PTPRB: variants seen among roughly 807,000 people sequenced by gnomAD.
The protein encoded by PTPRB is receptor-type tyrosine-protein phosphatase beta.
In PTPRB, 97 loss-of-function variants were observed where a neutral mutation model predicts 238.1. That is an observed-to-expected ratio of 0.41 (90% CI 0.35 to 0.48). The LOEUF (loss-of-function observed/expected upper bound fraction) is 0.48, where lower values mean the gene tolerates loss of function less well. Ranked by LOEUF, PTPRB falls within the 20% of genes least tolerant of loss-of-function variation. The pLI is 0.30. For synonymous variants in PTPRB, 970 were observed against 995.4 expected, an observed-to-expected ratio of 0.97 and a Z score of 0.48; for missense variants, 2,292 against 2,681.9, an observed-to-expected ratio of 0.85 and a Z score of 3.21.
At chr12:70,579,600 G>T (rs1881151497) in intron 10 of PTPRB, among the ~76,000 whole-genome samples, 1 of 149,872 alleles carries the variant, frequency 6.7e-6, no homozygotes, top group Non-Finnish European at 1.5e-5. Flanking sequence ...GGGAGACTGA[G>T]ACAGGAGAAT....
At position 70,569,795 on chromosome 12, in the gene PTPRB, T is replaced by C. The variant is rs1879794977; in HGVS notation, c.3514A>G (p.Ile1172Val). Reference protein sequence around the residue: ...RHSQKVDSQTIPKHVFEHTFH... With the variant: ...RHSQKVDSQTVPKHVFEHTFH... ...GTGTGCTCAAAGACGTGCTTGGGAA[T>C]AGTCTGAGAGTCAACCTTTTGACTG... Residue 1172 changes from isoleucine (I) to valine (V), a missense_variant, in exon 14 of 34, where the codon ATT becomes GTT. Transcript: ENST00000334414. 6.2e-7 allele frequency: 1 copy of C among 1,613,936 alleles called. No individual in the cohort carries two copies. The highest frequency in any genetic ancestry group is 8.5e-7 in the Non-Finnish European group (1 of 1,179,876).
Position 70,518,934 on chromosome 12 carries a change from A to C in PTPRB, c.*2555T>G, listed in dbSNP as rs1871396822. 1 of 152,202 alleles carries C rather than the reference A, an allele frequency of 6.6e-6. No individual in the cohort carries two copies. Among genetic ancestry groups the C allele is most frequent in the Admixed American group, 6.5e-5 (1 of 15,268 alleles). 9.4% of individuals were successfully genotyped at this position (152,202 alleles called of 1,614,324 possible). ...GAAATGGAGTGTTTACCAAGACATAACACATGATGCAATTAAATGGAAATA... is the reference window on the plus strand; with the variant it reads ...GAAATGGAGTGTTTACCAAGACATACCACATGATGCAATTAAATGGAAATA... On this transcript the variant is annotated 3_prime_UTR_variant, in exon 34 of 34. Transcript: ENST00000334414.
intron 14 of PTPRB, 108 bp from the exon 15 acceptor site, chr12:70,566,812 G>C (rs1448693087): frequency 1.6e-6 from 2 of 1,223,824 alleles, no homozygotes; most frequent in Non-Finnish European, 2.3e-6. Context: ...TGATGCATTT[G>C]CTTTATTTGT....
rs1029536310 is a variant in PTPRB, at chr12:70,622,262, C to G, written c.708+128G>C. 1.6e-5 allele frequency: 22 copies of G among 1,341,038 alleles called. No homozygotes were observed. The African/African-American group carries it at 2.8e-4, about 17-fold the overall frequency. The allele number at this position is 1,341,038 out of a possible 1,614,324, so 83.1% of individuals were successfully genotyped here. ...AATGCTTTCCTGTACAATTAGCAGC[C>G]AGGACACAGGGTGAGAGTGCCTAAT... On this transcript the variant is annotated intron_variant, in intron 3 of 33. Transcript: ENST00000334414.
chr12:70,576,966 C>T (rs61930311), intron 10 of PTPRB, among the ~76,000 whole-genome samples: 17,410 of 152,114 alleles, frequency 0.11, 1,062 homozygotes, highest in African/African-American at 0.13. Flanking sequence ...CATCCTTATA[C>T]AATGTTTTAG....
intron 5 of PTPRB, among the ~76,000 whole-genome samples, chr12:70,595,472 A>T (rs1291105696): frequency 6.6e-6 from 1 of 152,120 alleles, no homozygotes; most frequent in Admixed American, 6.5e-5. Context: ...AAAGTATAAT[A>T]AAAAAATTTA....
intron 21 of PTPRB, among the ~76,000 whole-genome samples, chr12:70,551,188 G>A (rs1302081787): frequency 1.3e-5 from 2 of 152,106 alleles, no homozygotes; most frequent in African/African-American, 2.4e-5. Flanking sequence ...GAGCCTCCAC[G>A]CCCAGCCGCA....
chr12:70,584,772 A>G (rs1881719910), intron 9 of PTPRB, among the ~76,000 whole-genome samples: 1 of 152,078 alleles, frequency 6.6e-6, no homozygotes, highest in Admixed American at 6.6e-5. Flanking sequence ...GTTCTCCAGG[A>G]TAAAGGAAAA....
At chr12:70,544,331 GA>G (rs1289879467) in intron 22 of PTPRB, among the ~76,000 whole-genome samples, 4 of 151,958 alleles carry the variant, frequency 2.6e-5, no homozygotes, top group African/African-American at 7.3e-5. Context: ...ATTTTTAATA[GA>G]AAAAAATACT....
chr12:70,631,092 T>C (rs975508905), intron 2 of PTPRB, among the ~76,000 whole-genome samples: 4 of 152,242 alleles, frequency 2.6e-5, no homozygotes, highest in South Asian at 2.1e-4. Context: ...AAAGTTCATA[T>C]GGAACCAAAA....
intron 10 of PTPRB, among the ~76,000 whole-genome samples, chr12:70,576,946 C>T (rs1880848000): frequency 6.6e-6 from 1 of 152,082 alleles, no homozygotes. Flanking sequence ...TAAAGCATTT[C>T]AAGTGGAGAC....
chr12:70,572,611 A>G (rs1592508287), intron 11 of PTPRB, among the ~76,000 whole-genome samples: 1 of 151,908 alleles, frequency 6.6e-6, no homozygotes, highest in East Asian at 1.9e-4. Flanking sequence ...CTACTAAAAA[A>G]TACAAAAATT....
chr12:70,611,374 T>C (rs35627356), intron 3 of PTPRB, among the ~76,000 whole-genome samples: 22,708 of 152,242 alleles, frequency 0.15, 2,073 homozygotes, highest in Non-Finnish European at 0.21. Context: ...CTGCAACCTC[T>C]GCCTCCCGGG....
intron 1 of PTPRB, 69 bp downstream of exon 1, chr12:70,637,272 T>G: frequency 2.8e-6 from 4 of 1,432,374 alleles, no homozygotes; most frequent in Non-Finnish European, 3.9e-6. Context: ...TTCAGACACT[T>G]CAAAGACCAG....
intron 2 of PTPRB, among the ~76,000 whole-genome samples, chr12:70,633,741 C>CT (rs1885560276): frequency 6.6e-6 from 1 of 152,024 alleles, no homozygotes; most frequent in Non-Finnish European, 1.5e-5. Context: ...TTTTCGAAGT[C>CT]TATTACTAGA....
intron 32 of PTPRB, among the ~76,000 whole-genome samples, chr12:70,525,101 G>A (rs541261052): frequency 1.3e-4 from 19 of 151,970 alleles, no homozygotes; most frequent in Admixed American, 4.6e-4. Context: ...TGTAGCTTAC[G>A]TAAATTACCT....
At position 70,517,426 on chromosome 12, in the gene PTPRB, T is replaced by C. The variant is rs1278308303; in HGVS notation, c.*4063A>G. Reference sequence around the variant, plus strand: ...GCTTTTTGCAGTCATCGTTTACAGATTTTCCTTTGATAGGGAACATTCTTT... The same window carrying C: ...GCTTTTTGCAGTCATCGTTTACAGACTTTCCTTTGATAGGGAACATTCTTT... On this transcript the variant is annotated 3_prime_UTR_variant, in exon 34 of 34. Coordinates refer to ENST00000334414, the MANE Select transcript of PTPRB (RefSeq NM_001109754.4). The C allele has an allele frequency of 5.9e-5, 9 of 152,232 alleles. No homozygotes were observed. Among genetic ancestry groups the C allele is most frequent in the Admixed American group, 5.9e-4 (9 of 15,278 alleles). 9.4% of individuals were successfully genotyped at this position (152,232 alleles called of 1,614,324 possible). A position where few individuals can be genotyped will look rare whatever the true frequency, so the allele number is the denominator to read the frequency against.
chr12:70,601,925 G>C (rs2136508832), intron 4 of PTPRB, among the ~76,000 whole-genome samples: 1 of 150,770 alleles, frequency 6.6e-6, no homozygotes, highest in South Asian at 2.1e-4. Context: ...CGAGTAGCTG[G>C]GACTACAGGC....
At chr12:70,574,988 A>AT (rs1456040994) in intron 11 of PTPRB, among the ~76,000 whole-genome samples, 1 of 152,182 alleles carries the variant, frequency 6.6e-6, no homozygotes, top group Non-Finnish European at 1.5e-5. Context: ...ATTTCTGGTG[A>AT]TTTTTAGGCT....
Sources: gnomAD v4.1 joint callset for allele counts (sites outside exome capture counted in the v4.1 genomes callset) on GRCh38, gnomAD v4.1.1 for gene constraint, MANE v1.5 for transcripts, NCBI Gene and HGNC (gene_info 2026-07-23, HGNC 2026-07-21) for gene names.